TRIML1: variants seen among roughly 807,000 people sequenced by gnomAD.
TRIML1 encodes probable E3 ubiquitin-protein ligase TRIML1.
TRIML1 carries 34 observed loss-of-function variants against 32.3 expected under a neutral mutation model. The ratio of observed to expected loss-of-function variants is 1.05; its 90% CI spans 0.80 to 1.40. The LOEUF (loss-of-function observed/expected upper bound fraction) is 1.40, where lower values mean the gene tolerates loss of function less well. Among genes scored for constraint, TRIML1 ranks in the 40% most tolerant of loss-of-function variants. The pLI is 0.00. For synonymous variants in TRIML1, 244 were observed against 226.6 expected, an observed-to-expected ratio of 1.08 and a Z score of -0.69; for missense variants, 595 against 574.9, an observed-to-expected ratio of 1.03 and a Z score of -0.36.
chr4:188,140,603 G>A lies in TRIML1; in HGVS notation c.484G>A (p.Glu162Lys). The change falls in exon 2 of 6, where the codon GAG (glutamate) becomes AAG (lysine). Residue 162 changes from glutamate (E) to lysine (K), a missense_variant. Physicochemically the swap from Glu to Lys is moderately conservative, Grantham distance 56 (BLOSUM62 1). Coordinates refer to ENST00000332517, the MANE Select transcript of TRIML1 (RefSeq NM_178556.5). The stretch of plus-strand genomic sequence containing the variant: ...TCAGGCTGTACTAACCCATGAGAAG[G>A]AGAGAGTGAAACTGTGCCAGGTCGG... ...EAQAVLTHEK[E>K]RVKLCQEETK... 1.9e-6 allele frequency: 3 copies of A among 1,613,866 alleles called. No homozygotes were observed. Among genetic ancestry groups the A allele is most frequent in the Non-Finnish European group, 1.7e-6 (2 of 1,179,782 alleles).
chr4:188,145,441 C>CAA (rs869253721), intron 5 of TRIML1, among the ~76,000 whole-genome samples: 1,797 of 33,954 alleles, frequency 0.053, 216 homozygotes, highest in East Asian at 0.1. Flanking sequence ...GACTCCGTCT[C>CAA]AAAAAAAAAA....
At chr4:188,150,103 CTTATT>C (rs1481423913), downstream of TRIML1, among the ~76,000 whole-genome samples, 1 of 151,822 alleles carries the variant, frequency 6.6e-6, no homozygotes, top group Non-Finnish European at 1.5e-5. Flanking sequence ...CGCGCCCGGC[CTTATT>C]TTATTTATTT....
rs185800364 is a variant in TRIML1 at position 188,145,365 on chromosome 4, C to T, written c.856+1232C>T. Among the ~76,000 whole-genome samples the T allele has an allele frequency of 3.7e-3, 542 of 144,618 alleles. 7 individuals are homozygous for T. The highest frequency in any genetic ancestry group is 0.013 in the African/African-American group (514 of 38,688). The allele number at this position is 144,618 out of a possible 152,430, so 94.9% of individuals were successfully genotyped here. ...GCCTAGGCAGGAGAATCACTTGAAC[C>T]CAGGAGGTGGAGGTTGCAGTGAGCA... is the stretch of plus-strand genomic sequence containing the variant. On this transcript the variant is annotated intron_variant, in intron 5 of 5. Transcript: ENST00000332517.
intron 3 of TRIML1, among the ~76,000 whole-genome samples, chr4:188,142,760 A>ATT (rs11399915): frequency 1.2e-4 from 18 of 150,504 alleles, no homozygotes; most frequent in African/African-American, 3.9e-4. Context: ...AGCTTTGTTA[A>ATT]TTTTTTTTTC....
At position 188,139,527 on chromosome 4, in the gene TRIML1, T is replaced by G. The variant is rs988713974; in HGVS notation, c.-32T>G. ...GGCTTTGCTAATCCCAGAACAGAGGTGTAACCTGGCTGCATATCCAGCCTC... is the reference window on the plus strand; with the variant it reads ...GGCTTTGCTAATCCCAGAACAGAGGGGTAACCTGGCTGCATATCCAGCCTC... On this transcript the variant is annotated 5_prime_UTR_variant, in exon 1 of 6. Transcript: ENST00000332517. 7.1e-6 allele frequency: 11 copies of G among 1,543,624 alleles called. No individual in the cohort carries two copies. The highest frequency in any genetic ancestry group is 9.6e-6 in the Non-Finnish European group (11 of 1,142,708).
chr4:188,148,985 C>G (rs1489125938), downstream of TRIML1, among the ~76,000 whole-genome samples: 1 of 144,764 alleles, frequency 6.9e-6, no homozygotes, highest in Admixed American at 7.2e-5. Flanking sequence ...GCGATCTCAG[C>G]TCACTGCAAG....
intron 3 of TRIML1, 35 bp from the exon 4 acceptor site, chr4:188,143,803 C>T: frequency 6.2e-7 from 1 of 1,613,592 alleles, no homozygotes; most frequent in Non-Finnish European, 8.5e-7. Context: ...ATGATCAAAG[C>T]GCACCATGCT....
rs781580234 is a variant in TRIML1 at position 188,147,350 on chromosome 4, G to C, written c.1385G>C (p.Cys462Ser). The C allele has an allele frequency of 6.6e-7, 1 of 1,506,864 alleles. No homozygotes were observed. The highest frequency in any genetic ancestry group is 1.4e-5 in the African/African-American group (1 of 71,574). The allele number at this position is 1,506,864 out of a possible 1,614,324, so 93.3% of individuals were successfully genotyped here. A position where few individuals can be genotyped will look rare whatever the true frequency, so the allele number is the denominator to read the frequency against. Residue 462 changes from cysteine to serine, a missense_variant, in exon 6 of 6, where the codon TGC (cysteine) becomes TCC (serine). Coordinates refer to ENST00000332517, the MANE Select transcript of TRIML1 (RefSeq NM_178556.5). ...EGTNTDPLTI[C>S]SLNSHV ...ACAAACACAGACCCTCTCACCATCT[G>C]CTCACTGAACAGCCACGTCTGAGGG... is the stretch of plus-strand genomic sequence containing the variant.
downstream of TRIML1, among the ~76,000 whole-genome samples, chr4:188,149,460 C>A (rs1349372290): frequency 6.6e-6 from 1 of 151,390 alleles, no homozygotes; most frequent in Non-Finnish European, 1.5e-5. Context: ...AATAATTCAA[C>A]CTGTTAATCA....
In TRIML1 at chr4:188,144,027, C is replaced by G. The variant is rs1579167380; in HGVS notation, c.759-9C>G. On this transcript the variant is annotated splice_polypyrimidine_tract_variant and intron_variant, in intron 4 of 5. Transcript: ENST00000332517. The stretch of plus-strand genomic sequence containing the variant: ...GTGCCGAGGAGTGAACCTCTCTGCT[C>G]TCTTGCAGGAGCGAGCCACTCTTGC... 7 of 1,613,500 alleles carry G rather than the reference C, an allele frequency of 4.3e-6. No homozygotes were observed. In the Admixed American group the frequency reaches 5.0e-5, roughly 12 times the overall value.
At chr4:188,138,964 A>G (rs1333755175), upstream of TRIML1, among the ~76,000 whole-genome samples, 6 of 152,074 alleles carry the variant, frequency 3.9e-5, no homozygotes, top group Non-Finnish European at 5.9e-5. Flanking sequence ...ATAAAAGTAC[A>G]CAGTACCCAA....
At chr4:188,148,418 CG>C (rs1365434560), downstream of TRIML1, among the ~76,000 whole-genome samples, 1 of 151,888 alleles carries the variant, frequency 6.6e-6, no homozygotes, top group Non-Finnish European at 1.5e-5. Context: ...TGCTTGAACC[CG>C]GGCGGCGGAG....
In TRIML1 at chr4:188,142,434, C is replaced by T. The variant is rs557023680; in HGVS notation, c.687C>T (p.Ile229=). Residue 229 remains isoleucine, a synonymous_variant, in exon 3 of 6, where the codon ATC becomes ATT. Coordinates refer to ENST00000332517, the MANE Select transcript of TRIML1 (RefSeq NM_178556.5). The stretch of plus-strand genomic sequence containing the variant: ...AAATCAGAAGCCTAAGCAAAATGAT[C>T]GCACAGATTGAGTCCTCAAGTCAAA... ...TQQIRSLSKM[I]AQIESSSQSS... The T allele has an allele frequency of 6.4e-5, 103 of 1,613,810 alleles. 3 individuals carry two copies. In the South Asian group the frequency reaches 1.1e-3, roughly 17 times the overall value.
In TRIML1 at chr4:188,140,627, G is replaced by C; in HGVS notation, c.504+4G>C. ...GGAGAGAGTGAAACTGTGCCAGGTC[G>C]GTGTCTGTCTGACTTTTGCTGCTTG... On this transcript the variant is annotated splice_donor_region_variant and intron_variant, in intron 2 of 5. Transcript: ENST00000332517. 1 of 1,610,740 alleles carries C rather than the reference G, an allele frequency of 6.2e-7. No homozygotes were observed. The highest frequency in any genetic ancestry group is 1.1e-5 in the South Asian group (1 of 91,014).
chr4:188,137,407 A>G (rs1734690731), upstream of TRIML1, among the ~76,000 whole-genome samples: 1 of 135,460 alleles, frequency 7.4e-6, no homozygotes, highest in African/African-American at 2.8e-5. Context: ...GGTTCAAGTG[A>G]TTCTCCTGCC....
chr4:188,146,825 A>C lies in TRIML1; in HGVS notation c.860A>C (p.Glu287Ala). Residue 287 changes from glutamate (E) to alanine (A), a missense_variant, in exon 6 of 6, where the codon GAG becomes GCG. Physicochemically the swap from Glu to Ala is moderately radical, Grantham distance 107. Transcript: ENST00000332517. ...MKEMLRKFST[E>A]ITLDPATANA... ...CTCTTCTTTCCTCCTCTTGCAGCGG[A>C]GATAACGCTGGACCCAGCCACAGCT... The C allele has an allele frequency of 1.5e-6, 2 of 1,361,762 alleles. No homozygotes were observed. The highest frequency in any genetic ancestry group is 1.9e-6 in the Non-Finnish European group (2 of 1,051,294). The allele number at this position is 1,361,762 out of a possible 1,614,324, so 84.4% of individuals were successfully genotyped here. A position where few individuals can be genotyped will look rare whatever the true frequency, so the allele number is the denominator to read the frequency against.
chr4:188,143,740 C>T, intron 3 of TRIML1, 98 bp from the exon 4 acceptor site: 1 of 1,448,802 alleles, frequency 6.9e-7, no homozygotes, highest in Admixed American at 1.7e-5. Flanking sequence ...TCATGGGAAG[C>T]AGATTCTGTG....
chr4:188,147,228 C>A lies in TRIML1; in HGVS notation c.1263C>A (p.Tyr421Ter). ...LDYESGHIAF[Y>*]NGTDESLIYS... ...ATGAATCTGGACATATAGCATTCTA[C>A]AACGGGACGGATGAATCCCTCATCT... Residue 421 changes from tyrosine (Y) to a stop codon, truncating the protein, a stop_gained, in exon 6 of 6, where the codon TAC (tyrosine) becomes TAA (stop). Transcript: ENST00000332517. LOFTEE classifies it high-confidence loss of function. The A allele has an allele frequency of 6.2e-7, 1 of 1,612,016 alleles. No individual in the cohort carries two copies.
intron 5 of TRIML1, among the ~76,000 whole-genome samples, chr4:188,146,449 G>T (rs568270453): frequency 1.3e-5 from 2 of 152,116 alleles, no homozygotes; most frequent in African/African-American, 4.8e-5. Context: ...TTGCTCTGTC[G>T]CCCAGGCTGG....
Sources: gnomAD v4.1 joint callset for allele counts (sites outside exome capture counted in the v4.1 genomes callset) on GRCh38, gnomAD v4.1.1 for gene constraint, MANE v1.5 for transcripts, NCBI Gene and HGNC (gene_info 2026-07-23, HGNC 2026-07-21) for gene names.